NBPF26: variants seen among roughly 807,000 people sequenced by gnomAD.
NBPF26 encodes the protein NBPF family member NBPF26.
A neutral mutation model predicts 119.6 loss-of-function variants in NBPF26; 79 were observed. The ratio of observed to expected loss-of-function variants is 0.66; its 90% CI spans 0.55 to 0.80. NBPF26 has a LOEUF of 0.80. Among genes scored for constraint, NBPF26 ranks in the 30% least tolerant of loss-of-function variants. NBPF26 has a pLI of 0.00. For missense variants in NBPF26, 800 were observed against 1,198.2 expected, an observed-to-expected ratio of 0.67 and a Z score of 4.91; for synonymous variants, 299 against 457.7, an observed-to-expected ratio of 0.65 and a Z score of 4.43.
chr1:120,739,050 G>T (rs1650930542), intron 1 of NBPF26, among the ~76,000 whole-genome samples: 1 of 100,122 alleles, frequency 1.0e-5, no homozygotes, highest in East Asian at 2.2e-4. Flanking sequence ...CATGTAAAAT[G>T]ATTGGAATGC....
At position 120,821,954 on chromosome 1, in the gene NBPF26, A is replaced by G. The variant is rs1652127071; in HGVS notation, c.2424-150A>G. ...AGCAGTCACCCTCCACCCTGTATTTAGAAGGATAGTTTTATTCCTCTTGAA... is the reference window on the plus strand; with the variant it reads ...AGCAGTCACCCTCCACCCTGTATTTGGAAGGATAGTTTTATTCCTCTTGAA... On this transcript the variant is annotated intron_variant, in intron 15 of 29. Coordinates refer to ENST00000620612, the Ensembl canonical transcript of NBPF26. 7.1e-6 allele frequency: 7 copies of G among 992,688 alleles called. 2 individuals carry two copies. In the South Asian group the frequency reaches 1.1e-4, roughly 15 times the overall value. 61.5% of individuals were successfully genotyped at this position (992,688 alleles called of 1,614,324 possible).
chr1:120,801,542 T>C (rs1385949393), intron 4 of NBPF26, among the ~76,000 whole-genome samples: 1 of 88,646 alleles, frequency 1.1e-5, no homozygotes, highest in Admixed American at 1.1e-4. Flanking sequence ...AAAAAAAGCA[T>C]TTCAGGGCCA....
In NBPF26 at chr1:120,802,351, T is replaced by A. The variant is rs1311595263; in HGVS notation, c.752-3205T>A. Among the ~76,000 whole-genome samples the A allele has an allele frequency of 1.6e-5, 2 of 126,060 alleles. 1 individual carries two copies. The highest frequency in any genetic ancestry group is 7.5e-5 in the African/African-American group (2 of 26,694). The allele number at this position is 126,060 out of a possible 152,430, so 82.7% of individuals were successfully genotyped here. A position where few individuals can be genotyped will look rare whatever the true frequency, so the allele number is the denominator to read the frequency against. Reference sequence around the variant, plus strand: ...GTAGGACCCATTGAGCTGCATCACATCATTCCAAAGCCAAAACACAACAGC... The same window carrying A: ...GTAGGACCCATTGAGCTGCATCACAACATTCCAAAGCCAAAACACAACAGC... On this transcript the variant is annotated intron_variant, in intron 4 of 29. Transcript: ENST00000620612.
intron 5 of NBPF26, among the ~76,000 whole-genome samples, chr1:120,806,341 T>C (rs1458753244): frequency 1.8e-5 from 2 of 112,230 alleles, no homozygotes; most frequent in Non-Finnish European, 3.5e-5. Flanking sequence ...ACTCCTATAA[T>C]CTCAGCACTT....
At chr1:120,840,662 G>A (rs1652499392), downstream of NBPF26, 2 of 1,441,456 alleles carry the variant, frequency 1.4e-6, no homozygotes, top group Non-Finnish European at 1.9e-6. Context: ...AGATTTGAAT[G>A]AAAGTACAGT....
At chr1:120,811,573 G>T (rs1414773242) in intron 9 of NBPF26, among the ~76,000 whole-genome samples, 1 of 112,950 alleles carries the variant, frequency 8.9e-6, no homozygotes, top group Admixed American at 8.3e-5. Context: ...AGAAAATTAA[G>T]CAAAACGAAA....
intron 21 of NBPF26, among the ~76,000 whole-genome samples, 168 bp from the exon 26 acceptor site, chr1:120,831,820 A>T: frequency 9.1e-5 from 1 of 10,984 alleles, no homozygotes; most frequent in African/African-American, 2.3e-4. Context: ...ATTCTTTTCC[A>T]TTTGGCCCTG....
At chr1:120,789,811 A>C (rs1182726092) in intron 3 of NBPF26, among the ~76,000 whole-genome samples, 1 of 48,754 alleles carries the variant, frequency 2.1e-5, no homozygotes, top group South Asian at 4.5e-4. Flanking sequence ...CCTGATTGTC[A>C]GTTTTGAGTT....
chr1:120,730,915 C>A (rs1268122862), intron 1 of NBPF26, among the ~76,000 whole-genome samples: 1 of 25,372 alleles, frequency 3.9e-5, no homozygotes, highest in Non-Finnish European at 6.6e-5. Flanking sequence ...AGGGTATTCT[C>A]CTCTTCTAGA....
chr1:120,802,512 A>C (rs1475075690), intron 4 of NBPF26, among the ~76,000 whole-genome samples: 1 of 125,168 alleles, frequency 8.0e-6, no homozygotes, highest in Non-Finnish European at 1.6e-5. Flanking sequence ...TTCGGGACAC[A>C]TGCCTGAGGT....
At chr1:120,838,481 C>T in intron 27 of NBPF26, among the ~76,000 whole-genome samples, 1 of 66,814 alleles carries the variant, frequency 1.5e-5, no homozygotes, top group African/African-American at 6.8e-5. Flanking sequence ...GGACAATTCA[C>T]TGAGCTCGTT....
intron 4 of NBPF26, chr1:120,805,340 T>C: frequency 1.9e-6 from 2 of 1,046,250 alleles, no homozygotes; most frequent in Non-Finnish European, 1.3e-6. Context: ...CTCACTCTTA[T>C]CAGAGTCTGA....
intron 15 of NBPF26, among the ~76,000 whole-genome samples, chr1:120,820,448 ATATATAT>A (rs1418047603): frequency 0.011 from 24 of 2,278 alleles, 1 homozygote; most frequent in Admixed American, 0.015. Flanking sequence ...AGTATTAAAA[ATATATAT>A]ATATATATAT....
chr1:120,801,877 C>T (rs1651586418), intron 4 of NBPF26, among the ~76,000 whole-genome samples: 1 of 99,500 alleles, frequency 1.0e-5, no homozygotes, highest in Non-Finnish European at 1.8e-5. Flanking sequence ...TAGTAAGAGG[C>T]CAGAATATGA....
intron 1 of NBPF26, among the ~76,000 whole-genome samples, chr1:120,727,386 G>A (rs1302112599): frequency 2.6e-5 from 3 of 115,456 alleles, no homozygotes; most frequent in Non-Finnish European, 4.9e-5. Context: ...AGTGTTTAAC[G>A]CTTCTGACTC....
chr1:120,813,614 AG>A (rs1651930914), intron 10 of NBPF26, among the ~76,000 whole-genome samples: 1 of 127,954 alleles, frequency 7.8e-6, no homozygotes, highest in Non-Finnish European at 1.6e-5. Flanking sequence ...GTCAGACCTC[AG>A]GGACTGTGAA....
rs1157664056 is a variant in NBPF26 at position 120,738,691 on chromosome 1, TAGG to T, written c.73+14444_73+14446del. On this transcript the variant is annotated intron_variant, in intron 1 of 29. Coordinates refer to ENST00000620612, the Ensembl canonical transcript of NBPF26. ...TAATTCTGAATGAACATTTGCATAA[TAGG>T]AGAATGATCTAAATTGCAAACTTCC... 1.1e-4 allele frequency among the ~76,000 whole-genome samples: 8 copies of T among 73,184 alleles called. 2 individuals carry two copies. The highest frequency in any genetic ancestry group is 6.2e-4 in the African/African-American group (7 of 11,254). The allele number at this position is 73,184 out of a possible 152,430, so 48.0% of individuals were successfully genotyped here. A position where few individuals can be genotyped will look rare whatever the true frequency, so the allele number is the denominator to read the frequency against.
exon 4 of NBPF26, chr1:120,793,239 A>T (rs1459231207): frequency 1.4e-6 from 2 of 1,440,004 alleles, no homozygotes; most frequent in Non-Finnish European, 1.9e-6. Flanking sequence ...GTGGCCAACC[A>T]GTTCTCCTGC....
chr1:120,832,709 G>T (rs1473808496), intron 22 of NBPF26, among the ~76,000 whole-genome samples, 166 bp from the exon 27 acceptor site: 1 of 119,990 alleles, frequency 8.3e-6, no homozygotes, highest in Non-Finnish European at 1.6e-5. Flanking sequence ...AAAAACCGAG[G>T]AATTTCTATC....
Sources: allele counts gnomAD v4.1 joint callset (sites outside exome capture counted in the v4.1 genomes callset), GRCh38; gene constraint gnomAD v4.1.1; transcripts MANE v1.5; gene names NCBI Gene and HGNC (gene_info 2026-07-23, HGNC 2026-07-21).